TAFA1: variants seen among roughly 807,000 people sequenced by gnomAD.
TAFA1 encodes TAFA chemokine like family member 1.
In TAFA1, 4 loss-of-function variants were observed where a neutral mutation model predicts 18.5. The observed-to-expected ratio is 0.22, with a 90% CI of 0.11 to 0.49. The LOEUF (loss-of-function observed/expected upper bound fraction) is 0.49, where lower values mean the gene tolerates loss of function less well. TAFA1 is among the 20% of genes least tolerant of loss of function. The pLI, the probability that TAFA1 is intolerant of heterozygous loss-of-function variation, is 0.98. For synonymous variants in TAFA1, 56 were observed against 55.2 expected, an observed-to-expected ratio of 1.01 and a Z score of -0.06; for missense variants, 147 against 169.0, an observed-to-expected ratio of 0.87 and a Z score of 0.72.
chr3:68,103,089 G>A (rs1334118703), intron 2 of TAFA1, among the ~76,000 whole-genome samples: 2 of 152,202 alleles, frequency 1.3e-5, no homozygotes, highest in Non-Finnish European at 2.9e-5. Flanking sequence ...ACCCAAGTTT[G>A]GAGATAAAGG....
At chr3:67,995,646 A>G in the TAFA1 span, among the ~76,000 whole-genome samples, 1 of 152,196 alleles carries the variant, frequency 6.6e-6, no homozygotes, top group Non-Finnish European at 1.5e-5. Context: ...AACCAAGAGT[A>G]GGGAAGGCGT....
intron 2 of TAFA1, among the ~76,000 whole-genome samples, chr3:68,318,500 AC>A (rs1342797552): frequency 1.3e-5 from 2 of 152,150 alleles, no homozygotes; most frequent in Non-Finnish European, 2.9e-5. Context: ...AGGAATGGAA[AC>A]CCACAGAAAT....
chr3:68,448,544 C>A (rs1055484130), intron 3 of TAFA1, among the ~76,000 whole-genome samples: 10 of 151,874 alleles, frequency 6.6e-5, no homozygotes, highest in Non-Finnish European at 1.3e-4. Context: ...TAGTTTGTTG[C>A]ATTCTTTCAT....
chr3:68,530,959 G>A (rs1472371501), intron 3 of TAFA1, among the ~76,000 whole-genome samples: 1 of 151,886 alleles, frequency 6.6e-6, no homozygotes, highest in Admixed American at 6.6e-5. Flanking sequence ...TTAATTCTAT[G>A]AATGCTGAAT....
chr3:68,509,145 C>A (rs773735880), intron 3 of TAFA1, among the ~76,000 whole-genome samples: 1 of 152,098 alleles, frequency 6.6e-6, no homozygotes, highest in Non-Finnish European at 1.5e-5. Flanking sequence ...ATGTCAGGCA[C>A]AGTGCTAGGT....
chr3:68,509,847 C>G (rs1559699202), intron 3 of TAFA1, among the ~76,000 whole-genome samples: 1 of 152,054 alleles, frequency 6.6e-6, no homozygotes, highest in Non-Finnish European at 1.5e-5. Context: ...AAATAGTTTC[C>G]TGAAAGGGAG....
At chr3:68,207,521 C>A (rs2066542148) in intron 2 of TAFA1, among the ~76,000 whole-genome samples, 1 of 151,828 alleles carries the variant, frequency 6.6e-6, no homozygotes, top group Admixed American at 6.6e-5. Flanking sequence ...GTTCGCAGAG[C>A]CCCACCTCAG....
At chr3:68,083,819 C>T (rs1479342605) in intron 2 of TAFA1, among the ~76,000 whole-genome samples, 2 of 152,062 alleles carry the variant, frequency 1.3e-5, no homozygotes, top group East Asian at 1.9e-4. Flanking sequence ...CCCTCAGCTT[C>T]GGATTTTTCA....
rs546638798 is a variant in TAFA1, at chr3:68,338,083, T to C, written c.119-79197T>C. Among the ~76,000 whole-genome samples, 15 of 152,370 alleles carry C rather than the reference T, an allele frequency of 9.8e-5. No homozygotes were observed. The South Asian group carries it at 2.9e-3, about 29-fold the overall frequency. On this transcript the variant is annotated intron_variant, in intron 2 of 4. Coordinates refer to ENST00000478136, the MANE Select transcript of TAFA1 (RefSeq NM_213609.4). ...TTGTTTTTGCAGTACAAGGTTGTGT[T>C]GAAAACTCTTCTCCCTGATGAGCTC...
chr3:68,129,082 G>A (rs1227445850), intron 2 of TAFA1, among the ~76,000 whole-genome samples: 1 of 152,200 alleles, frequency 6.6e-6, no homozygotes, highest in Non-Finnish European at 1.5e-5. Flanking sequence ...CTTGACTGGT[G>A]TTGTCCCATT....
At chr3:68,460,706 G>A (rs575541990) in intron 3 of TAFA1, among the ~76,000 whole-genome samples, 8 of 152,118 alleles carry the variant, frequency 5.3e-5, no homozygotes, top group African/African-American at 1.4e-4. Flanking sequence ...GGAGTGGCTC[G>A]TTAACACACA....
intron 3 of TAFA1, among the ~76,000 whole-genome samples, chr3:68,472,563 CA>C (rs939860041): frequency 5.9e-5 from 9 of 151,272 alleles, no homozygotes; most frequent in Non-Finnish European, 1.3e-4. Flanking sequence ...GAAATTTGAA[CA>C]AGATAAGTAG....
intron 3 of TAFA1, among the ~76,000 whole-genome samples, chr3:68,473,633 C>G (rs1438401364): frequency 5.3e-5 from 8 of 152,114 alleles, no homozygotes; most frequent in Non-Finnish European, 1.2e-4. Context: ...GAATGATTAC[C>G]TGAGATACCA....
intron 2 of TAFA1, among the ~76,000 whole-genome samples, chr3:68,384,916 A>G (rs527469887): frequency 3.9e-5 from 6 of 152,176 alleles, no homozygotes; most frequent in African/African-American, 4.8e-5. Context: ...CCATTATGTA[A>G]TGCCCTTCTT....
At chr3:67,996,810 GA>G in the TAFA1 span, among the ~76,000 whole-genome samples, 119,564 of 149,392 alleles carry the variant, frequency 0.8, 47,625 homozygotes, top group South Asian at 0.88. Context: ...ACAAAAATAA[GA>G]AAAAAAAAAA....
chr3:68,270,075 C>T (rs957762837), intron 2 of TAFA1, among the ~76,000 whole-genome samples: 3 of 152,122 alleles, frequency 2.0e-5, no homozygotes, highest in Non-Finnish European at 4.4e-5. Context: ...TGTATTCCTC[C>T]CTTTCTTTGT....
chr3:68,370,897 A>G (rs2069694072), intron 2 of TAFA1, among the ~76,000 whole-genome samples: 1 of 151,512 alleles, frequency 6.6e-6, no homozygotes, highest in Non-Finnish European at 1.5e-5. Flanking sequence ...CAGTTTGAGA[A>G]GATATTTTGG....
intron 4 of TAFA1, among the ~76,000 whole-genome samples, chr3:68,542,463 A>G (rs544925113): frequency 6.6e-6 from 1 of 152,114 alleles, no homozygotes; most frequent in African/African-American, 2.4e-5. Context: ...CGTAAGTTTG[A>G]AAGTTGGGGA....
At chr3:68,091,882 A>C (rs2065033755) in intron 2 of TAFA1, among the ~76,000 whole-genome samples, 1 of 152,166 alleles carries the variant, frequency 6.6e-6, no homozygotes, top group African/African-American at 2.4e-5. Flanking sequence ...AAAATGACCA[A>C]GTATCTCCTA....
Sources: allele counts gnomAD v4.1 joint callset (sites outside exome capture counted in the v4.1 genomes callset), GRCh38; gene constraint gnomAD v4.1.1; transcripts MANE v1.5; gene names NCBI Gene and HGNC (gene_info 2026-07-23, HGNC 2026-07-21).